The following KIF26B variants were observed in gnomAD, a reference collection of about 807,000 sequenced individuals.
The protein encoded by KIF26B is kinesin family member 26B.
KIF26B carries 63 observed loss-of-function variants against 151.2 expected under a neutral mutation model. The ratio of observed to expected loss-of-function variants is 0.42; its 90% CI spans 0.34 to 0.51. The LOEUF is 0.51. KIF26B is among the 20% of genes least tolerant of loss of function. The pLI, the probability that KIF26B is intolerant of heterozygous loss-of-function variation, is 0.07. For missense variants in KIF26B, 2,813 were observed against 2,913.6 expected, an observed-to-expected ratio of 0.97 and a Z score of 0.79; for synonymous variants, 1,357 against 1,262.1, an observed-to-expected ratio of 1.08 and a Z score of -1.59.
At chr1:245,408,638 A>T (rs1439835646) in intron 3 of KIF26B, among the ~76,000 whole-genome samples, 4 of 152,138 alleles carry the variant, frequency 2.6e-5, no homozygotes, top group Non-Finnish European at 5.9e-5. Flanking sequence ...TACCAGCGTG[A>T]GCCACCGCGT....
intron 10 of KIF26B, among the ~76,000 whole-genome samples, chr1:245,680,891 G>A (rs1476520778): frequency 1.3e-5 from 2 of 152,132 alleles, no homozygotes; most frequent in Non-Finnish European, 2.9e-5. Context: ...GTGCACATGT[G>A]TCCTTTTTGC....
chr1:245,497,658 G>A (rs1180197523), intron 4 of KIF26B, among the ~76,000 whole-genome samples: 1 of 152,100 alleles, frequency 6.6e-6, no homozygotes, highest in Non-Finnish European at 1.5e-5. Context: ...TATTCCTAAG[G>A]TACTTCAAAT....
chr1:245,538,761 A>G (rs948154545), intron 4 of KIF26B, among the ~76,000 whole-genome samples: 1 of 152,128 alleles, frequency 6.6e-6, no homozygotes, highest in African/African-American at 2.4e-5. Context: ...CTGGCAGATC[A>G]CTGTCTTCCT....
chr1:245,358,475 G>A lies in KIF26B; in HGVS notation c.466-8359G>A, dbSNP rs369305474. Among the ~76,000 whole-genome samples the A allele has an allele frequency of 3.9e-5, 6 of 152,164 alleles. No homozygotes were observed. The highest frequency in any genetic ancestry group is 1.9e-4 in the East Asian group (1 of 5,188). Reference sequence around the variant, plus strand: ...GCCGAGCTTGCAGTGAGCCGAGATCGCGCCACTGTACTCCAGCCTGGGCTA... The same window carrying A: ...GCCGAGCTTGCAGTGAGCCGAGATCACGCCACTGTACTCCAGCCTGGGCTA... On this transcript the variant is annotated intron_variant, in intron 2 of 14. Coordinates refer to ENST00000407071, the MANE Select transcript of KIF26B (RefSeq NM_018012.4). The surrounding 1 kb of genome is among the most constrained non-coding windows in gnomAD (Gnocchi z 4.1).
intron 4 of KIF26B, among the ~76,000 whole-genome samples, chr1:245,469,311 G>A (rs1035899716): frequency 8.5e-5 from 13 of 152,198 alleles, no homozygotes; most frequent in African/African-American, 3.1e-4. Context: ...TGTCAGGCAG[G>A]GATGAGCTGC....
At chr1:245,384,934 A>G (rs1673505776) in intron 3 of KIF26B, among the ~76,000 whole-genome samples, 3 of 152,166 alleles carry the variant, frequency 2.0e-5, no homozygotes, top group African/African-American at 7.2e-5. Flanking sequence ...ATCTCCCCAT[A>G]CATCTTATGT....
At chr1:245,604,790 T>G (rs745502448) in intron 6 of KIF26B, among the ~76,000 whole-genome samples, 1 of 152,240 alleles carries the variant, frequency 6.6e-6, no homozygotes, top group Non-Finnish European at 1.5e-5. Flanking sequence ...CATTCACATT[T>G]CCAATGTTAT....
chr1:245,537,348 G>T (rs1461872096), intron 4 of KIF26B, among the ~76,000 whole-genome samples: 1 of 152,156 alleles, frequency 6.6e-6, no homozygotes, highest in Non-Finnish European at 1.5e-5. Context: ...GATATGGGGG[G>T]AAGGGACAGA....
intron 2 of KIF26B, among the ~76,000 whole-genome samples, chr1:245,342,405 A>G (rs961138800): frequency 6.6e-6 from 1 of 152,194 alleles, no homozygotes; most frequent in Non-Finnish European, 1.5e-5. Context: ...TTGCTGTGTA[A>G]TTAAGAGTGT....
At chr1:245,701,632 T>TATCTC (rs150750593) in intron 14 of KIF26B, among the ~76,000 whole-genome samples, 214 of 152,214 alleles carry the variant, frequency 1.4e-3, no homozygotes, top group African/African-American at 5.0e-3. Context: ...TGTTCATTAT[T>TATCTC]ATCTCATTTT....
intron 2 of KIF26B, among the ~76,000 whole-genome samples, chr1:245,364,336 A>G (rs1247557241): frequency 1.3e-5 from 2 of 151,422 alleles, no homozygotes; most frequent in African/African-American, 2.4e-5. Context: ...TTGTGTCCCT[A>G]GGTCAGAGTC....
chr1:245,186,571 G>A (rs1013743720), intron 2 of KIF26B, among the ~76,000 whole-genome samples: 3 of 152,142 alleles, frequency 2.0e-5, no homozygotes, highest in Admixed American at 6.5e-5. Context: ...AAGGTGAGAG[G>A]TCATGACGTC....
At chr1:245,236,054 C>T (rs527869018) in intron 2 of KIF26B, among the ~76,000 whole-genome samples, 32 of 152,072 alleles carry the variant, frequency 2.1e-4, no homozygotes, top group African/African-American at 6.3e-4. Flanking sequence ...CCCAGCTTCC[C>T]GAGTAGCTGG....
At chr1:245,625,708 T>C (rs1467894108) in intron 9 of KIF26B, among the ~76,000 whole-genome samples, 3 of 152,172 alleles carry the variant, frequency 2.0e-5, no homozygotes, top group Non-Finnish European at 2.9e-5. Flanking sequence ...TATCAAACAC[T>C]ACGGCTTCCT....
chr1:245,430,783 T>G (rs1658758815), intron 4 of KIF26B, among the ~76,000 whole-genome samples: 1 of 152,196 alleles, frequency 6.6e-6, no homozygotes, highest in Admixed American at 6.5e-5. Flanking sequence ...GTTGGCCGTG[T>G]TTTTATCCCA....
At chr1:245,237,324 G>A (rs1173034784) in intron 2 of KIF26B, among the ~76,000 whole-genome samples, 1 of 152,168 alleles carries the variant, frequency 6.6e-6, no homozygotes, top group African/African-American at 2.4e-5. Flanking sequence ...TGGACATATG[G>A]CATCATCTTA....
chr1:245,537,067 G>C (rs116067211), intron 4 of KIF26B, among the ~76,000 whole-genome samples: 1 of 152,226 alleles, frequency 6.6e-6, no homozygotes, highest in Non-Finnish European at 1.5e-5. Context: ...AGAAGTGCCT[G>C]TGGGAGACAC....
At chr1:245,511,205 T>A (rs1323846539) in intron 4 of KIF26B, 3 of 686,110 alleles carry the variant, frequency 4.4e-6, no homozygotes, top group Non-Finnish European at 8.0e-6. Context: ...TTTAACTTTT[T>A]CAGTTTCCTT....
At chr1:245,526,553 G>A (rs1661239529) in intron 4 of KIF26B, among the ~76,000 whole-genome samples, 2 of 152,106 alleles carry the variant, frequency 1.3e-5, no homozygotes, top group Admixed American at 6.5e-5. Flanking sequence ...TAGAATGAAA[G>A]GGGGGAAAAG....
Sources: allele counts gnomAD v4.1 joint callset (sites outside exome capture counted in the v4.1 genomes callset), GRCh38; gene constraint gnomAD v4.1.1; non-coding constraint Gnocchi (gnomAD v3.1); transcripts MANE v1.5; gene names NCBI Gene and HGNC (gene_info 2026-07-23, HGNC 2026-07-21).